Variants in COLEC11 observed in about 807,000 individuals in gnomAD.
COLEC11 encodes the protein collectin subfamily member 11, also known as collectin-11.
COLEC11 carries 20 observed loss-of-function variants against 27.3 expected under a neutral mutation model. The ratio of observed to expected loss-of-function variants is 0.73; its 90% CI spans 0.51 to 1.06. The LOEUF is 1.06. Among genes scored for constraint, COLEC11 ranks in the 50% least tolerant of loss-of-function variants. COLEC11 has a pLI of 0.00. For missense variants in COLEC11, 310 were observed against 383.0 expected (o/e 0.81, Z 1.59); for synonymous variants, 163 against 154.7 (o/e 1.05, Z -0.40).
intron 2 of COLEC11, among the ~76,000 whole-genome samples, chr2:3,612,026 A>C (rs1284038896): frequency 1.4e-5 from 2 of 141,870 alleles, no homozygotes; most frequent in East Asian, 2.3e-4. Context: ...TCATACTGGA[A>C]CAGCTCGTGC....
At chr2:3,610,358 C>T (rs1018764566) in intron 2 of COLEC11, among the ~76,000 whole-genome samples, 4 of 152,186 alleles carry the variant, frequency 2.6e-5, no homozygotes, top group African/African-American at 9.7e-5. Flanking sequence ...TAATTCTTTA[C>T]GAGTACTGAT....
intron 3 of COLEC11, among the ~76,000 whole-genome samples, chr2:3,636,319 G>T (rs1665413730): frequency 6.6e-6 from 1 of 152,240 alleles, no homozygotes; most frequent in African/African-American, 2.4e-5. Flanking sequence ...GCCTGGCGTG[G>T]TGGCGGATGC....
In COLEC11 at chr2:3,644,311, T is replaced by C. The variant is rs548461104; in HGVS notation, c.*193T>C. On this transcript the variant is annotated 3_prime_UTR_variant, in exon 7 of 7. Coordinates refer to ENST00000349077, the MANE Select transcript of COLEC11 (RefSeq NM_024027.5). ...GAAAATGAAAGTGTTCCTGGGGTGC[T>C]GTCTCTGAAGAAGCAGAGTTTCATT... 147 of 742,096 alleles carry C rather than the reference T, an allele frequency of 2.0e-4. 1 individual carries two copies. The African/African-American group carries it at 2.2e-3, about 11-fold the overall frequency. 46.0% of individuals were successfully genotyped at this position (742,096 alleles called of 1,614,324 possible). A position where few individuals can be genotyped will look rare whatever the true frequency, so the allele number is the denominator to read the frequency against.
At chr2:3,605,641 C>A (rs972914540) in intron 2 of COLEC11, 4 of 189,490 alleles carry the variant, frequency 2.1e-5, no homozygotes, top group Non-Finnish European at 4.4e-5. Flanking sequence ...AACCTGAATC[C>A]GGTCCGCCCC....
At chr2:3,612,574 T>C (rs554988665) in intron 2 of COLEC11, among the ~76,000 whole-genome samples, 1 of 152,216 alleles carries the variant, frequency 6.6e-6, no homozygotes, top group East Asian at 1.9e-4. Context: ...AGAGACATAA[T>C]AGAATTCCAT....
At chr2:3,629,639 G>A (rs138407043) in intron 3 of COLEC11, among the ~76,000 whole-genome samples, 308 of 151,822 alleles carry the variant, frequency 2.0e-3, no homozygotes, top group Non-Finnish European at 3.3e-3. Flanking sequence ...TGCATATAGC[G>A]TGTGTGTGAA....
chr2:3,642,927 C>A lies in COLEC11; in HGVS notation c.329-517C>A, dbSNP rs35107153. 5.5e-3 allele frequency among the ~76,000 whole-genome samples: 832 copies of A among 152,282 alleles called. 11 individuals are homozygous for A. The highest frequency in any genetic ancestry group is 0.05 in the South Asian group (240 of 4,828). ...CTCTGCCCTGGCCCCCACTCCCCACCTGACATGTCACAGGCACCTGAGTGT... is the reference window on the plus strand; with the variant it reads ...CTCTGCCCTGGCCCCCACTCCCCACATGACATGTCACAGGCACCTGAGTGT... On this transcript the variant is annotated intron_variant, in intron 5 of 6. Transcript: ENST00000349077.
chr2:3,608,302 T>C (rs1156640360), intron 2 of COLEC11, among the ~76,000 whole-genome samples: 1 of 152,220 alleles, frequency 6.6e-6, no homozygotes, highest in Non-Finnish European at 1.5e-5. Flanking sequence ...GTTGAAATGT[T>C]AGCCTCTCCT....
chr2:3,628,701 G>A (rs1159971902), intron 3 of COLEC11, among the ~76,000 whole-genome samples: 1 of 152,230 alleles, frequency 6.6e-6, no homozygotes, highest in Non-Finnish European at 1.5e-5. Context: ...AGAAAGCCCA[G>A]CTGTTAAAAA....
In COLEC11 at chr2:3,602,709, G is replaced by A. The variant is rs1404225756; in HGVS notation, c.-26-1606G>A. Among the ~76,000 whole-genome samples, 1 of 152,194 alleles carries A rather than the reference G, an allele frequency of 6.6e-6. No individual in the cohort carries two copies. Among genetic ancestry groups the A allele is most frequent in the Non-Finnish European group, 1.5e-5 (1 of 68,034 alleles). On this transcript the variant is annotated intron_variant, in intron 1 of 6. Coordinates refer to ENST00000349077, the MANE Select transcript of COLEC11 (RefSeq NM_024027.5). This position sits in a 1 kb window ranked among gnomAD's most constrained non-coding sequence, Gnocchi z 6.2. ...ATACAGAGCAACCCCCAAAGCTGCT[G>A]GGCGCCGGCTCCTGTCTCCTGTCCT...
chr2:3,618,381 C>T (rs562803657), intron 3 of COLEC11, among the ~76,000 whole-genome samples: 3 of 152,024 alleles, frequency 2.0e-5, no homozygotes, highest in Non-Finnish European at 4.4e-5. Context: ...TGGTATAAGA[C>T]AAGGATTCAG....
chr2:3,600,275 C>T (rs922834089), intron 1 of COLEC11, among the ~76,000 whole-genome samples: 2 of 151,144 alleles, frequency 1.3e-5, no homozygotes, highest in African/African-American at 4.9e-5. Flanking sequence ...GCAAGCAAGG[C>T]TGGGCACAGT....
chr2:3,632,063 G>A (rs952533372), intron 3 of COLEC11, among the ~76,000 whole-genome samples: 7 of 152,204 alleles, frequency 4.6e-5, no homozygotes, highest in African/African-American at 9.6e-5. Flanking sequence ...ATCAGTGTGC[G>A]CTCGCGCTCC....
At chr2:3,619,151 C>T (rs939712723) in intron 3 of COLEC11, among the ~76,000 whole-genome samples, 2 of 151,966 alleles carry the variant, frequency 1.3e-5, no homozygotes, top group South Asian at 2.1e-4. Context: ...GGATGGATCC[C>T]TCCCTCCTTC....
intron 1 of COLEC11, among the ~76,000 whole-genome samples, chr2:3,599,356 T>G (rs1412513591): frequency 6.6e-6 from 1 of 152,202 alleles, no homozygotes; most frequent in East Asian, 1.9e-4. Flanking sequence ...GAAACGGGTT[T>G]CCCTGTACCC....
chr2:3,622,530 AT>A (rs1362093370), intron 3 of COLEC11, among the ~76,000 whole-genome samples: 3 of 152,230 alleles, frequency 2.0e-5, no homozygotes, highest in African/African-American at 4.8e-5. Context: ...ATGTAATAGT[AT>A]TGAGAGAGTG....
At position 3,607,449 on chromosome 2, in the gene COLEC11, C is replaced by CTTTTTTTTTTT. The variant is rs377560723; in HGVS notation, c.130+2984_130+2994dup. Among the ~76,000 whole-genome samples the CTTTTTTTTTTT allele has an allele frequency of 9.2e-4, 100 of 109,140 alleles. 5 individuals are homozygous for CTTTTTTTTTTT. Among genetic ancestry groups the CTTTTTTTTTTT allele is most frequent in the African/African-American group, 1.3e-3 (40 of 31,482 alleles). The allele number at this position is 109,140 out of a possible 152,430, so 71.6% of individuals were successfully genotyped here. ...CTTTATCAAATGAATTTTTTTTTTG[C>CTTTTTTTTTTT]TTTTTTTTTTTTTTTGAGATGGAGT... On this transcript the variant is annotated intron_variant, in intron 2 of 6. Transcript: ENST00000349077.
chr2:3,614,720 T>G (rs573265036), intron 3 of COLEC11, among the ~76,000 whole-genome samples: 1 of 152,206 alleles, frequency 6.6e-6, no homozygotes, highest in Non-Finnish European at 1.5e-5. Flanking sequence ...AGAAAATTTC[T>G]TATAATGAAA....
In COLEC11 at chr2:3,595,145, C is replaced by T. The variant is rs1661759863; in HGVS notation, c.-50C>T. 1 of 351,324 alleles carries T rather than the reference C, an allele frequency of 2.8e-6. No individual in the cohort carries two copies. The highest frequency in any genetic ancestry group is 5.7e-6 in the Non-Finnish European group (1 of 173,996). 21.8% of individuals were successfully genotyped at this position (351,324 alleles called of 1,614,324 possible). ...CGCGGGCCAGCGACGGGCAGGACGC[C>T]CCGTTCGCCTAGCGCGTGCTCAGGT... is the stretch of plus-strand genomic sequence containing the variant. On this transcript the variant is annotated 5_prime_UTR_variant, in exon 1 of 7. Transcript: ENST00000349077.
Sources: allele counts gnomAD v4.1 joint callset (sites outside exome capture counted in the v4.1 genomes callset), GRCh38; gene constraint gnomAD v4.1.1; non-coding constraint Gnocchi (gnomAD v3.1); transcripts MANE v1.5; gene names NCBI Gene and HGNC (gene_info 2026-07-23, HGNC 2026-07-21).